RCAN2: variants seen among roughly 807,000 people sequenced by gnomAD.
RCAN2 encodes calcipressin-2.
In RCAN2, 9 loss-of-function variants were observed where a neutral mutation model predicts 23.6. That is an observed-to-expected ratio of 0.38 (90% CI 0.23 to 0.67). RCAN2 has a LOEUF of 0.67. Ranked by LOEUF, RCAN2 falls within the 30% of genes least tolerant of loss-of-function variation. The pLI is 0.51. For synonymous variants in RCAN2, 109 were observed against 115.7 expected (o/e 0.94, Z 0.37); for missense variants, 273 against 302.3 (o/e 0.90, Z 0.72).
chr6:46,475,793 T>C (rs970623181), intron 1 of RCAN2, among the ~76,000 whole-genome samples: 2 of 152,170 alleles, frequency 1.3e-5, no homozygotes, highest in African/African-American at 4.8e-5. Flanking sequence ...AAAACAATCA[T>C]GGAGGGTCTA....
chr6:46,319,901 C>T (rs1763555452), intron 2 of RCAN2, among the ~76,000 whole-genome samples: 1 of 152,074 alleles, frequency 6.6e-6, no homozygotes, highest in South Asian at 2.1e-4. Flanking sequence ...ACACACACTG[C>T]CTTTTGTTCT....
intron 2 of RCAN2, among the ~76,000 whole-genome samples, chr6:46,420,806 C>A (rs571836065): frequency 5.3e-5 from 8 of 152,214 alleles, no homozygotes; most frequent in African/African-American, 1.9e-4. Flanking sequence ...CTCGGCCCCC[C>A]AAACAGCTGG....
intron 2 of RCAN2, among the ~76,000 whole-genome samples, chr6:46,331,922 T>C (rs920361274): frequency 6.6e-6 from 1 of 152,240 alleles, no homozygotes; most frequent in Non-Finnish European, 1.5e-5. Flanking sequence ...AATTGGCTAG[T>C]TGCCTTATCC....
chr6:46,266,949 A>G (rs1259492281), intron 2 of RCAN2, among the ~76,000 whole-genome samples: 2 of 152,072 alleles, frequency 1.3e-5, no homozygotes, highest in Non-Finnish European at 2.9e-5. Flanking sequence ...GACATTTAAA[A>G]TCAAGAATCC....
At chr6:46,355,338 A>C (rs565305843) in intron 2 of RCAN2, among the ~76,000 whole-genome samples, 116 of 152,300 alleles carry the variant, frequency 7.6e-4, no homozygotes, top group Admixed American at 1.4e-3. Flanking sequence ...TAAGTTCTAG[A>C]AGCCCCTTAA....
intron 2 of RCAN2, among the ~76,000 whole-genome samples, chr6:46,397,675 A>G (rs1204471069): frequency 6.6e-6 from 1 of 152,186 alleles, no homozygotes; most frequent in Admixed American, 6.5e-5. Context: ...ATGTAAAAAA[A>G]TAAATGCCCT....
At chr6:46,344,335 C>G (rs938351974) in intron 2 of RCAN2, among the ~76,000 whole-genome samples, 1 of 151,764 alleles carries the variant, frequency 6.6e-6, no homozygotes, top group African/African-American at 2.4e-5. Flanking sequence ...ATTTTTTTCA[C>G]AAAAAGTATT....
intron 1 of RCAN2, among the ~76,000 whole-genome samples, chr6:46,471,345 A>C (rs1262927015): frequency 6.6e-6 from 1 of 152,232 alleles, no homozygotes; most frequent in Non-Finnish European, 1.5e-5. Flanking sequence ...GCAGTAATCT[A>C]GGTAACAGAT....
intron 2 of RCAN2, among the ~76,000 whole-genome samples, chr6:46,333,280 C>G (rs934850509): frequency 2.0e-5 from 3 of 152,152 alleles, no homozygotes; most frequent in Non-Finnish European, 2.9e-5. Context: ...TGATAGCACA[C>G]TTTGCTCACT....
rs368237910 is a variant in RCAN2 at position 46,342,515 on chromosome 6, A to G, written c.226-93619T>C. Among the ~76,000 whole-genome samples, 36 of 116,836 alleles carry G rather than the reference A, an allele frequency of 3.1e-4. 1 individual carries two copies. The South Asian group carries it at 6.8e-3, about 22-fold the overall frequency. The allele number at this position is 116,836 out of a possible 152,430, so 76.6% of individuals were successfully genotyped here. A position where few individuals can be genotyped will look rare whatever the true frequency, so the allele number is the denominator to read the frequency against. ...TGCAGTGAGCTATGATTGTGTCACT[A>G]TACTCCAGCCTGAGTGATAGGGTGA... On this transcript the variant is annotated intron_variant, in intron 2 of 4. Transcript: ENST00000371374.
chr6:46,315,620 G>A (rs1463036445), intron 2 of RCAN2, among the ~76,000 whole-genome samples: 1 of 152,162 alleles, frequency 6.6e-6, no homozygotes, highest in African/African-American at 2.4e-5. Flanking sequence ...AAGGTCTGAT[G>A]GGCCTTGAGG....
chr6:46,308,418 C>T (rs1177136462), intron 2 of RCAN2, among the ~76,000 whole-genome samples: 2 of 152,078 alleles, frequency 1.3e-5, no homozygotes, highest in African/African-American at 2.4e-5. Context: ...TGCAACACAA[C>T]ATGTGAGGAA....
In RCAN2 at chr6:46,378,176, A is replaced by G. The variant is rs563350099; in HGVS notation, c.225+78576T>C. ...GGCTGAGACTTGCCTCACAGATGCC[A>G]TGGGTCTCATGATTTGTTGGTAAAT... On this transcript the variant is annotated intron_variant, in intron 2 of 4. Transcript: ENST00000371374. Among the ~76,000 whole-genome samples the G allele has an allele frequency of 3.3e-5, 5 of 152,298 alleles. No individual in the cohort carries two copies. In the South Asian group the frequency reaches 8.3e-4, roughly 25 times the overall value.
upstream of RCAN2, chr6:46,491,752 G>C (rs1442319019): frequency 2.0e-5 from 3 of 152,334 alleles, no homozygotes; most frequent in African/African-American, 7.2e-5. Flanking sequence ...GCCTCAGCGG[G>C]AAGAGGCTCC....
chr6:46,262,981 C>A (rs1384974909), intron 2 of RCAN2, among the ~76,000 whole-genome samples: 1 of 152,188 alleles, frequency 6.6e-6, no homozygotes, highest in African/African-American at 2.4e-5. Flanking sequence ...GCTGTGCTCC[C>A]ATAACAGTGT....
intron 2 of RCAN2, among the ~76,000 whole-genome samples, chr6:46,273,351 T>A (rs1767578088): frequency 6.6e-6 from 1 of 152,228 alleles, no homozygotes; most frequent in East Asian, 1.9e-4. Context: ...CTACTAATTA[T>A]GATAACATTA....
At chr6:46,304,755 G>A (rs1161225631) in intron 2 of RCAN2, among the ~76,000 whole-genome samples, 1 of 151,926 alleles carries the variant, frequency 6.6e-6, no homozygotes, top group African/African-American at 2.4e-5. Context: ...GGTAGGCAGG[G>A]GAATTTTTTC....
intron 2 of RCAN2, among the ~76,000 whole-genome samples, chr6:46,386,065 A>G (rs539301139): frequency 6.6e-6 from 1 of 152,256 alleles, no homozygotes; most frequent in African/African-American, 2.4e-5. Context: ...AAAAGAAACT[A>G]TCATCAGTCG....
chr6:46,375,308 A>G (rs890156014), intron 2 of RCAN2, among the ~76,000 whole-genome samples: 1 of 152,176 alleles, frequency 6.6e-6, no homozygotes, highest in Non-Finnish European at 1.5e-5. Flanking sequence ...TACTTGCAAA[A>G]TAAAGCTAGT....
Sources: allele counts gnomAD v4.1 joint callset (sites outside exome capture counted in the v4.1 genomes callset), GRCh38; gene constraint gnomAD v4.1.1; transcripts MANE v1.5; gene names NCBI Gene and HGNC (gene_info 2026-07-23, HGNC 2026-07-21).